MICAL3: variants seen among roughly 807,000 people sequenced by gnomAD.
MICAL3 encodes [F-actin]-monooxygenase MICAL3.
Under a neutral mutation model 207.4 loss-of-function variants are expected in MICAL3, and 62 were observed. The ratio of observed to expected loss-of-function variants is 0.30; its 90% CI spans 0.24 to 0.37. The LOEUF (loss-of-function observed/expected upper bound fraction) is 0.37. Among genes scored for constraint, MICAL3 ranks in the 10% least tolerant of loss-of-function variants. The pLI, the probability that MICAL3 is intolerant of heterozygous loss-of-function variation, is 1.00. For missense variants in MICAL3, 2,368 were observed against 2,635.6 expected, an observed-to-expected ratio of 0.90 and a Z score of 2.22; for synonymous variants, 1,077 against 1,069.3, an observed-to-expected ratio of 1.01 and a Z score of -0.14.
chr22:17,986,981 G>A (rs1443474148), intron 1 of MICAL3, among the ~76,000 whole-genome samples: 1 of 152,072 alleles, frequency 6.6e-6, no homozygotes, highest in African/African-American at 2.4e-5. Flanking sequence ...GCTCACATCT[G>A]TAATTCCAAC....
chr22:17,921,066 A>G (rs12158570), intron 1 of MICAL3, among the ~76,000 whole-genome samples: 4,615 of 152,262 alleles, frequency 0.03, 87 homozygotes, highest in South Asian at 0.036. Context: ...TCTTTACCCT[A>G]AAGCATTTCT....
At position 17,790,399 on chromosome 22, in the gene MICAL3, C is replaced by T; in HGVS notation, c.*333G>A. 3.3e-6 allele frequency: 1 copy of T among 304,044 alleles called. No homozygotes were observed. Among genetic ancestry groups the T allele is most frequent in the East Asian group, 6.0e-5 (1 of 16,616 alleles). The allele number at this position is 304,044 out of a possible 1,614,324, so 18.8% of individuals were successfully genotyped here. A position where few individuals can be genotyped will look rare whatever the true frequency, so the allele number is the denominator to read the frequency against. On this transcript the variant is annotated 3_prime_UTR_variant, in exon 32 of 32. Coordinates refer to ENST00000441493, the MANE Select transcript of MICAL3 (RefSeq NM_015241.3). Reference sequence around the variant, plus strand: ...ACGGGGAGCAGCTTCCCTCTCTTACCAAATGTGCCAGTGGAAAAAAGGGGC... The same window carrying T: ...ACGGGGAGCAGCTTCCCTCTCTTACTAAATGTGCCAGTGGAAAAAAGGGGC...
intron 1 of MICAL3, among the ~76,000 whole-genome samples, chr22:18,014,311 T>C (rs1923922454): frequency 6.6e-6 from 1 of 152,174 alleles, no homozygotes; most frequent in African/African-American, 2.4e-5. Flanking sequence ...AATGAGGCAC[T>C]AAGACACTAA....
In MICAL3 at chr22:17,896,365, T is replaced by A; in HGVS notation, c.1207-4A>T. ...CTGTTCCCATTGGCCAGAAAGGCTGTAGATAAGACATAAAACAAATAATTA... is the reference window on the plus strand; with the variant it reads ...CTGTTCCCATTGGCCAGAAAGGCTGAAGATAAGACATAAAACAAATAATTA... On this transcript the variant is annotated splice_region_variant and splice_polypyrimidine_tract_variant and intron_variant, in intron 8 of 31. Transcript: ENST00000441493. 1.3e-6 allele frequency: 2 copies of A among 1,482,888 alleles called. No homozygotes were observed. Among genetic ancestry groups the A allele is most frequent in the East Asian group, 4.9e-5 (2 of 40,654 alleles). 91.9% of individuals were successfully genotyped at this position (1,482,888 alleles called of 1,614,324 possible). A position where few individuals can be genotyped will look rare whatever the true frequency, so the allele number is the denominator to read the frequency against.
At chr22:17,949,107 G>A (rs1934214449) in intron 1 of MICAL3, among the ~76,000 whole-genome samples, 1 of 151,274 alleles carries the variant, frequency 6.6e-6, no homozygotes, top group African/African-American at 2.4e-5. Context: ...CTACTCAGGA[G>A]GCTGAGGTGG....
intron 16 of MICAL3, chr22:17,884,280 T>C: frequency 6.3e-7 from 1 of 1,588,192 alleles, no homozygotes; most frequent in South Asian, 1.1e-5. Context: ...TTTACCTGTT[T>C]CCACCGGGGG....
chr22:17,818,198 G>A lies in MICAL3; in HGVS notation c.4463C>T (p.Pro1488Leu), dbSNP rs780678345. 33 of 1,559,190 alleles carry A rather than the reference G, an allele frequency of 2.1e-5. No homozygotes were observed. Among genetic ancestry groups the A allele is most frequent in the Admixed American group, 1.1e-4 (6 of 53,392 alleles). ...EAEPNASVVPPPLPATWMRPP... is the reference protein window; with the variant it reads ...EAEPNASVVPLPLPATWMRPP... ...CCGCATCCAGGTGGCGGGCAAGGGC[G>A]GCGGGACCACCGAGGCATTGGGCTC... is the stretch of plus-strand genomic sequence containing the variant. Residue 1488 changes from proline to leucine, a missense_variant, in exon 26 of 32, where the codon CCG becomes CTG. Physicochemically the swap from Pro to Leu is moderately conservative, Grantham distance 98 (BLOSUM62 -3). This residue lies in a region of MICAL3 where 1,770 missense variants were observed against 1,863.2 expected (regional missense o/e 0.95). Coordinates refer to ENST00000441493, the MANE Select transcript of MICAL3 (RefSeq NM_015241.3).
In MICAL3 at chr22:18,016,706, C is replaced by T. The variant is rs539921619; in HGVS notation, c.-75+7575G>A. 1.8e-3 allele frequency among the ~76,000 whole-genome samples: 268 copies of T among 152,190 alleles called. 2 individuals carry two copies. Among genetic ancestry groups the T allele is most frequent in the Middle Eastern group, 0.01 (3 of 294 alleles). On this transcript the variant is annotated intron_variant, in intron 1 of 31. Coordinates refer to ENST00000441493, the MANE Select transcript of MICAL3 (RefSeq NM_015241.3). ...CTGTAATCCCAGCACTTTGAGAGGC[C>T]GAGGCAGGCGGATCACGAGGTCAGG...
intron 1 of MICAL3, among the ~76,000 whole-genome samples, chr22:18,016,614 TA>T (rs1185075062): frequency 6.6e-6 from 1 of 152,180 alleles, no homozygotes; most frequent in Non-Finnish European, 1.5e-5. Flanking sequence ...AGTAGACAGT[TA>T]TGCACAGAAT....
chr22:18,011,507 G>T (rs1213600404), intron 1 of MICAL3, among the ~76,000 whole-genome samples: 1 of 151,486 alleles, frequency 6.6e-6, no homozygotes, highest in African/African-American at 2.4e-5. Flanking sequence ...GAGATCACTT[G>T]CAGTGAGCCG....
At chr22:17,895,512 C>A in intron 9 of MICAL3, 102 bp from the exon 10 acceptor site, 1 of 1,304,302 alleles carries the variant, frequency 7.7e-7, no homozygotes, top group Non-Finnish European at 1.1e-6. Flanking sequence ...ACCTGACATG[C>A]CTGACAAATC....
chr22:17,794,135 C>T lies in MICAL3; in HGVS notation c.5651-2834G>A, dbSNP rs1010436880. Among the ~76,000 whole-genome samples the T allele has an allele frequency of 3.3e-5, 5 of 152,324 alleles. 1 individual carries two copies. In the Middle Eastern group the frequency reaches 0.01, roughly 311 times the overall value. On this transcript the variant is annotated intron_variant, in intron 29 of 31. Coordinates refer to ENST00000441493, the MANE Select transcript of MICAL3 (RefSeq NM_015241.3). ...ATTCCTCCAAGAGGGATGATGTGTT[C>T]CCTACACAATGATGGCAGCACTCGG...
Position 17,821,297 on chromosome 22 carries a change from G to A in MICAL3, c.3531+130C>T. The stretch of plus-strand genomic sequence containing the variant: ...AGTTTTCAGTCTTCCTCAGAATGAG[G>A]AGGCCAGCAGGCTATGTTAGCCCCA... On this transcript the variant is annotated intron_variant, in intron 25 of 31. Coordinates refer to ENST00000441493, the MANE Select transcript of MICAL3 (RefSeq NM_015241.3). 5.7e-6 allele frequency: 4 copies of A among 702,698 alleles called. 1 individual carries two copies. The South Asian group carries it at 8.2e-5, about 14-fold the overall frequency. The allele number at this position is 702,698 out of a possible 1,614,324, so 43.5% of individuals were successfully genotyped here.
intron 19 of MICAL3, among the ~76,000 whole-genome samples, chr22:17,858,636 C>T (rs985730991): frequency 1.3e-5 from 2 of 152,156 alleles, no homozygotes; most frequent in South Asian, 4.1e-4. Flanking sequence ...CATGTGTGTG[C>T]CACGGCCTCC....
chr22:17,949,965 A>G (rs1268159546), intron 1 of MICAL3, among the ~76,000 whole-genome samples: 2 of 152,200 alleles, frequency 1.3e-5, no homozygotes, highest in Admixed American at 6.5e-5. Flanking sequence ...AACAGGAGCT[A>G]AAGTGCTTCC....
At chr22:17,954,894 T>C (rs187295367) in intron 1 of MICAL3, among the ~76,000 whole-genome samples, 171 of 152,260 alleles carry the variant, frequency 1.1e-3, no homozygotes, top group African/African-American at 3.9e-3. Context: ...CAGCTAATTT[T>C]TGTATTTTTA....
At position 17,788,895 on chromosome 22, in the gene MICAL3, G is replaced by A. The variant is rs777120034; in HGVS notation, c.*1837C>T. The A allele has an allele frequency of 6.6e-6, 1 of 152,362 alleles. No homozygotes were observed. The highest frequency in any genetic ancestry group is 1.5e-5 in the Non-Finnish European group (1 of 68,120). The allele number at this position is 152,362 out of a possible 1,614,324, so 9.4% of individuals were successfully genotyped here. ...TGCTCCACTGCGGGACGCCTTGGAG[G>A]GGCCAGGCCTCTGCTCCCAGCTGGC... On this transcript the variant is annotated 3_prime_UTR_variant, in exon 32 of 32. Transcript: ENST00000441493.
chr22:17,957,360 G>C (rs1934666568), intron 1 of MICAL3, among the ~76,000 whole-genome samples: 1 of 152,182 alleles, frequency 6.6e-6, no homozygotes, highest in African/African-American at 2.4e-5. Flanking sequence ...TTCATGCTAA[G>C]CCACATTTTG....
intron 17 of MICAL3, 26 bp from the exon 18 acceptor site, chr22:17,866,038 G>A (rs746733262): frequency 6.4e-7 from 1 of 1,555,854 alleles, no homozygotes; most frequent in Non-Finnish European, 8.9e-7. Flanking sequence ...GGCAGGGACA[G>A]AGGCGATGAG....
Sources: allele counts gnomAD v4.1 joint callset (sites outside exome capture counted in the v4.1 genomes callset), GRCh38; gene constraint gnomAD v4.1.1; regional missense constraint gnomAD v4.1.1; transcripts MANE v1.5; gene names NCBI Gene and HGNC (gene_info 2026-07-23, HGNC 2026-07-21).